The following KCNIP4 variants were observed in gnomAD, a reference collection of about 807,000 sequenced individuals.
The protein encoded by KCNIP4 is potassium voltage-gated channel interacting protein 4, also known as Kv channel-interacting protein 4.
A neutral mutation model predicts 34.0 loss-of-function variants in KCNIP4; 12 were observed. The ratio of observed to expected loss-of-function variants is 0.35; its 90% CI spans 0.23 to 0.57. The LOEUF is 0.57. Among genes scored for constraint, KCNIP4 ranks in the 20% least tolerant of loss-of-function variants. The pLI is 0.83. For synonymous variants in KCNIP4, 124 were observed against 102.2 expected, an observed-to-expected ratio of 1.21 and a Z score of -1.29; for missense variants, 238 against 311.7, an observed-to-expected ratio of 0.76 and a Z score of 1.78.
At chr4:21,588,637 G>A (rs7657287) in intron 1 of KCNIP4, among the ~76,000 whole-genome samples, 10,003 of 151,762 alleles carry the variant, frequency 0.066, 482 homozygotes, top group African/African-American at 0.13. Flanking sequence ...CCCTACTAAA[G>A]GCATCCCAGA....
At chr4:21,002,491 T>C (rs1167369136) in intron 1 of KCNIP4, among the ~76,000 whole-genome samples, 3 of 152,170 alleles carry the variant, frequency 2.0e-5, no homozygotes, top group African/African-American at 7.2e-5. Flanking sequence ...TCAAGACATA[T>C]GGCCTCATCT....
chr4:21,658,372 G>A (rs1408754315), intron 1 of KCNIP4, among the ~76,000 whole-genome samples: 1 of 152,090 alleles, frequency 6.6e-6, no homozygotes, highest in Middle Eastern at 3.2e-3. Context: ...TCCAGCCTGT[G>A]AAGAGAACAT....
intron 3 of KCNIP4, 47 bp from the exon 4 acceptor site, chr4:20,758,937 CTG>C (rs752135388): frequency 2.8e-5 from 43 of 1,536,734 alleles, no homozygotes; most frequent in Non-Finnish European, 3.9e-5. Flanking sequence ...GTTCATAAAA[CTG>C]AATTTTTTTT....
chr4:20,910,806 G>C (rs1163689693), intron 1 of KCNIP4, among the ~76,000 whole-genome samples: 1 of 152,144 alleles, frequency 6.6e-6, no homozygotes, highest in South Asian at 2.1e-4. Context: ...TGAAGATATA[G>C]TTATGCTTGG....
chr4:21,328,464 G>A (rs1250171508), intron 1 of KCNIP4, among the ~76,000 whole-genome samples: 3 of 152,138 alleles, frequency 2.0e-5, no homozygotes, highest in Non-Finnish European at 4.4e-5. Flanking sequence ...GCTGGGGGTG[G>A]AGTGACACAA....
chr4:21,554,770 T>A (rs1223383229), intron 1 of KCNIP4, among the ~76,000 whole-genome samples: 1 of 152,092 alleles, frequency 6.6e-6, no homozygotes, highest in East Asian at 1.9e-4. Flanking sequence ...CTTTCTCCTA[T>A]CATTACCATC....
At chr4:21,337,085 A>C (rs1165693327) in intron 1 of KCNIP4, among the ~76,000 whole-genome samples, 1 of 151,976 alleles carries the variant, frequency 6.6e-6, no homozygotes, top group African/African-American at 2.4e-5. Flanking sequence ...CAGTGAAGGG[A>C]GAGGGGCAAG....
intron 1 of KCNIP4, among the ~76,000 whole-genome samples, chr4:21,394,852 C>A (rs575640787): frequency 9.9e-5 from 15 of 152,158 alleles, no homozygotes; most frequent in Non-Finnish European, 2.9e-5. Flanking sequence ...ATTGACACTT[C>A]TCCTTTAATG....
chr4:20,880,520 T>A (rs886162520), intron 2 of KCNIP4, among the ~76,000 whole-genome samples: 8 of 152,170 alleles, frequency 5.3e-5, no homozygotes, highest in African/African-American at 1.7e-4. Context: ...TCACAGTTAG[T>A]TGAAAATTGC....
intron 2 of KCNIP4, among the ~76,000 whole-genome samples, chr4:20,856,888 G>A (rs1053509097): frequency 1.3e-5 from 2 of 152,056 alleles, no homozygotes; most frequent in African/African-American, 2.4e-5. Flanking sequence ...CCAAAACAGC[G>A]GATTAAATTC....
intron 3 of KCNIP4, among the ~76,000 whole-genome samples, chr4:20,784,705 G>C (rs1357029816): frequency 6.6e-6 from 1 of 151,964 alleles, no homozygotes; most frequent in African/African-American, 2.4e-5. Flanking sequence ...GGGTATGCTG[G>C]ATGCAAGGGA....
intron 1 of KCNIP4, among the ~76,000 whole-genome samples, chr4:20,935,373 G>A (rs917926478): frequency 2.6e-5 from 4 of 152,056 alleles, no homozygotes; most frequent in African/African-American, 9.7e-5. Flanking sequence ...CAGCTTCCAA[G>A]CGCTTGCCAA....
At chr4:21,661,859 CCAAA>C (rs1372822593) in intron 1 of KCNIP4, among the ~76,000 whole-genome samples, 2 of 152,112 alleles carry the variant, frequency 1.3e-5, no homozygotes, top group African/African-American at 4.8e-5. Context: ...GAAGAAAATA[CCAAA>C]CAATTTTAGT....
At chr4:20,882,837 A>T in intron 1 of KCNIP4, 128 bp from the exon 2 acceptor site, 1 of 615,840 alleles carries the variant, frequency 1.6e-6, no homozygotes, top group Non-Finnish European at 2.8e-6. Context: ...AATCACAGGC[A>T]GTGGGTTGGG....
At chr4:21,943,981 C>A (rs1730351675) in intron 1 of KCNIP4, among the ~76,000 whole-genome samples, 1 of 149,638 alleles carries the variant, frequency 6.7e-6, no homozygotes. Flanking sequence ...AACAACATGC[C>A]TCAAAAAATG....
intron 1 of KCNIP4, among the ~76,000 whole-genome samples, chr4:21,241,670 A>C (rs1296973185): frequency 1.3e-5 from 2 of 152,160 alleles, no homozygotes; most frequent in Non-Finnish European, 2.9e-5. Context: ...AGTGTGCAGA[A>C]TTTGTCATTC....
At chr4:21,693,343 T>G (rs544202078) in intron 1 of KCNIP4, among the ~76,000 whole-genome samples, 1 of 152,216 alleles carries the variant, frequency 6.6e-6, no homozygotes, top group Non-Finnish European at 1.5e-5. Context: ...GGTGGATCAC[T>G]TGAGGTCAGG....
intron 1 of KCNIP4, among the ~76,000 whole-genome samples, chr4:21,923,458 G>A (rs1318061075): frequency 2.0e-5 from 3 of 152,078 alleles, no homozygotes; most frequent in Non-Finnish European, 2.9e-5. Context: ...GTACATGCCT[G>A]TAATCCCAGC....
intron 1 of KCNIP4, among the ~76,000 whole-genome samples, chr4:21,192,214 A>G (rs1383617919): frequency 6.6e-6 from 1 of 152,190 alleles, no homozygotes; most frequent in Non-Finnish European, 1.5e-5. Context: ...AAGTTACTCT[A>G]TTGCTTTAAT....
Sources: gnomAD v4.1 joint callset for allele counts (sites outside exome capture counted in the v4.1 genomes callset) on GRCh38, gnomAD v4.1.1 for gene constraint, MANE v1.5 for transcripts, NCBI Gene and HGNC (gene_info 2026-07-23, HGNC 2026-07-21) for gene names.